TTC9: variants seen among roughly 807,000 people sequenced by gnomAD.
The protein encoded by TTC9 is tetratricopeptide repeat protein 9A.
In TTC9, 13 loss-of-function variants were observed where a neutral mutation model predicts 22.9. The observed-to-expected ratio is 0.57, with a 90% CI of 0.37 to 0.90. The LOEUF (loss-of-function observed/expected upper bound fraction) is 0.90. TTC9 is among the 40% of genes least tolerant of loss of function. The pLI is 0.01. For missense variants in TTC9, 280 were observed against 291.8 expected (o/e 0.96, Z 0.29); for synonymous variants, 148 against 133.2 (o/e 1.11, Z -0.77).
rs1490208937 is a variant in TTC9, at chr14:70,642,363, C to A, written c.234C>A (p.Gly78=). The change falls in exon 1 of 3, where the codon GGC becomes GGA. Residue 78 remains glycine (G), a synonymous_variant. Transcript: ENST00000256367. ...ACAAGAAATTCCGTGAAGCCATAGG[C>A]AAATACCACCGGGCGTTGCTGGAGC... ...YKDKKFREAI[G]KYHRALLELK... 6.2e-7 allele frequency: 1 copy of A among 1,605,298 alleles called. No individual in the cohort carries two copies. The highest frequency in any genetic ancestry group is 1.3e-5 in the African/African-American group (1 of 74,478).
chr14:70,642,116 G>A lies in TTC9; in HGVS notation c.-14G>A, dbSNP rs1319154947. ...CAGATCGCGGCGCGCACCAGGCGCC[G>A]GGGCGGCGGCCGAATGGAGAGAAAG... On this transcript the variant is annotated 5_prime_UTR_variant, in exon 1 of 3. Coordinates refer to ENST00000256367, the MANE Select transcript of TTC9 (RefSeq NM_015351.2). The A allele has an allele frequency of 1.8e-6, 2 of 1,109,218 alleles. No individual in the cohort carries two copies. The highest frequency in any genetic ancestry group is 1.1e-4 in the East Asian group (2 of 18,002). The allele number at this position is 1,109,218 out of a possible 1,614,324, so 68.7% of individuals were successfully genotyped here.
In TTC9 at chr14:70,641,961, C is replaced by T; in HGVS notation, c.-169C>T. ...CGGCTGGAGCAGCCTCTGGCAGCAG[C>T]GGGGAGAATGGGAGTGCGGGGCGCC... On this transcript the variant is annotated 5_prime_UTR_variant, in exon 1 of 3. Transcript: ENST00000256367. 3.6e-6 allele frequency: 1 copy of T among 280,090 alleles called. No homozygotes were observed. The highest frequency in any genetic ancestry group is 5.5e-6 in the Non-Finnish European group (1 of 183,464). The allele number at this position is 280,090 out of a possible 1,614,324, so 17.4% of individuals were successfully genotyped here.
chr14:70,642,067 CGCGGCG>C lies in TTC9; in HGVS notation c.-46_-41del, dbSNP rs528163428. Reference sequence around the variant, plus strand: ...CCCGCGGCTTTTAAACCCGGGAAGGCGCGGCGGCGGCGGCGGCGGCGGGCAGATCGC... The same window carrying C: ...CCCGCGGCTTTTAAACCCGGGAAGGCGCGGCGGCGGCGGCGGGCAGATCGC... On this transcript the variant is annotated 5_prime_UTR_variant, in exon 1 of 3. Coordinates refer to ENST00000256367, the MANE Select transcript of TTC9 (RefSeq NM_015351.2). 7.5e-5 allele frequency: 75 copies of C among 995,682 alleles called. No homozygotes were observed. The highest frequency in any genetic ancestry group is 1.2e-4 in the African/African-American group (7 of 56,444). The allele number at this position is 995,682 out of a possible 1,614,324, so 61.7% of individuals were successfully genotyped here. A position where few individuals can be genotyped will look rare whatever the true frequency, so the allele number is the denominator to read the frequency against.
intron 1 of TTC9, among the ~76,000 whole-genome samples, chr14:70,643,700 C>A (rs1885862252): frequency 6.6e-6 from 1 of 151,458 alleles, no homozygotes; most frequent in Admixed American, 6.6e-5. Flanking sequence ...ACTGGCAATT[C>A]TGCTCGGTTC....
rs1886293984 is a variant in TTC9 at position 70,671,463 on chromosome 14, T to C, written c.*308T>C. Reference sequence around the variant, plus strand: ...ATGGGCTGGGATGCTGTTGTGGCTTTGACTTTGGCCAGTGCTTCTGACAGA... The same window carrying C: ...ATGGGCTGGGATGCTGTTGTGGCTTCGACTTTGGCCAGTGCTTCTGACAGA... On this transcript the variant is annotated 3_prime_UTR_variant, in exon 3 of 3. Coordinates refer to ENST00000256367, the MANE Select transcript of TTC9 (RefSeq NM_015351.2). The C allele has an allele frequency of 3.3e-6, 1 of 305,830 alleles. No homozygotes were observed. The highest frequency in any genetic ancestry group is 6.3e-6 in the Non-Finnish European group (1 of 158,168). 18.9% of individuals were successfully genotyped at this position (305,830 alleles called of 1,614,324 possible).
intron 1 of TTC9, among the ~76,000 whole-genome samples, chr14:70,666,426 C>A (rs917782244): frequency 8.5e-5 from 13 of 152,188 alleles, no homozygotes; most frequent in African/African-American, 2.7e-4. Flanking sequence ...CCCCCTCTCT[C>A]AGGAACTGCA....
At chr14:70,658,240 G>A (rs1267183236) in intron 1 of TTC9, among the ~76,000 whole-genome samples, 2 of 152,108 alleles carry the variant, frequency 1.3e-5, no homozygotes, top group African/African-American at 2.4e-5. Flanking sequence ...GCTATTTCCC[G>A]GAGTCTCCAT....
chr14:70,663,876 G>A (rs1467765953), intron 1 of TTC9, among the ~76,000 whole-genome samples: 1 of 152,160 alleles, frequency 6.6e-6, no homozygotes, highest in Non-Finnish European at 1.5e-5. Flanking sequence ...GGCTTCAAAT[G>A]CATCCCCACA....
chr14:70,644,357 A>T (rs1307210168), intron 1 of TTC9, among the ~76,000 whole-genome samples: 1 of 152,248 alleles, frequency 6.6e-6, no homozygotes, highest in African/African-American at 2.4e-5. Context: ...TAGCAATAGC[A>T]GATATTCCCC....
At chr14:70,649,252 G>A (rs1885945877) in intron 1 of TTC9, among the ~76,000 whole-genome samples, 1 of 152,182 alleles carries the variant, frequency 6.6e-6, no homozygotes, top group African/African-American at 2.4e-5. Context: ...GCACATAGTA[G>A]ATGTTCCACA....
rs372495990 is a variant in TTC9 at position 70,671,178 on chromosome 14, C to T, written c.*23C>T. Reference sequence around the variant, plus strand: ...TAACCAGGAAGCAGCTCCAGAGCTGCGCCCACGCCTGACCGGGGACTTCCA... The same window carrying T: ...TAACCAGGAAGCAGCTCCAGAGCTGTGCCCACGCCTGACCGGGGACTTCCA... On this transcript the variant is annotated 3_prime_UTR_variant, in exon 3 of 3. Coordinates refer to ENST00000256367, the MANE Select transcript of TTC9 (RefSeq NM_015351.2). 55 of 1,607,302 alleles carry T rather than the reference C, an allele frequency of 3.4e-5. No individual in the cohort carries two copies. The highest frequency in any genetic ancestry group is 2.9e-4 in the African/African-American group (22 of 74,750).
chr14:70,651,725 G>A (rs1236932395), intron 1 of TTC9, among the ~76,000 whole-genome samples: 2 of 152,172 alleles, frequency 1.3e-5, no homozygotes, highest in African/African-American at 4.8e-5. Flanking sequence ...CAGCACTTGT[G>A]ATGTAAACTG....
At chr14:70,655,262 C>T (rs896339983) in intron 1 of TTC9, among the ~76,000 whole-genome samples, 11 of 152,068 alleles carry the variant, frequency 7.2e-5, no homozygotes, top group East Asian at 3.9e-4. Flanking sequence ...GGCGCAGTGG[C>T]GTGCACCTGT....
chr14:70,659,119 A>AACACACACGCGCGCAC (rs1555362235), intron 1 of TTC9, among the ~76,000 whole-genome samples: 2 of 134,616 alleles, frequency 1.5e-5, no homozygotes, highest in East Asian at 5.7e-4. Flanking sequence ...TATATAACTA[A>AACACACACGCGCGCAC]ACACACACAC....
chr14:70,648,052 C>A (rs1885928813), intron 1 of TTC9, among the ~76,000 whole-genome samples: 1 of 152,086 alleles, frequency 6.6e-6, no homozygotes, highest in Non-Finnish European at 1.5e-5. Context: ...AGGTCAGGGG[C>A]TAGAGACAAG....
intron 1 of TTC9, among the ~76,000 whole-genome samples, chr14:70,659,927 A>G (rs1594739254): frequency 1.3e-5 from 2 of 152,284 alleles, no homozygotes; most frequent in African/African-American, 2.4e-5. Context: ...CCATTTTCCT[A>G]TCTGAAAAAA....
rs1886339034 is a variant in TTC9, at chr14:70,674,381, A to G, written c.*3226A>G. The G allele has an allele frequency of 6.6e-6, 1 of 152,256 alleles. No homozygotes were observed. Among genetic ancestry groups the G allele is most frequent in the Admixed American group, 6.5e-5 (1 of 15,284 alleles). The allele number at this position is 152,256 out of a possible 1,614,324, so 9.4% of individuals were successfully genotyped here. On this transcript the variant is annotated 3_prime_UTR_variant, in exon 3 of 3. Transcript: ENST00000256367. Reference sequence around the variant, plus strand: ...CCAAGACAAACGTGTATTCTTTTGAATATACCTTTTAGTTCTTTTTGGTGT... The same window carrying G: ...CCAAGACAAACGTGTATTCTTTTGAGTATACCTTTTAGTTCTTTTTGGTGT...
At chr14:70,657,141 C>T (rs925633360) in intron 1 of TTC9, among the ~76,000 whole-genome samples, 1 of 152,356 alleles carries the variant, frequency 6.6e-6, no homozygotes, top group South Asian at 2.1e-4. Context: ...TTACCTGCCA[C>T]TTTGACAGCT....
intron 1 of TTC9, among the ~76,000 whole-genome samples, chr14:70,657,206 T>C (rs1250210307): frequency 1.3e-5 from 2 of 152,252 alleles, no homozygotes; most frequent in Non-Finnish European, 2.9e-5. Context: ...AAGATATCAA[T>C]ATCTCTTGAA....
Sources: gnomAD v4.1 joint callset for allele counts (sites outside exome capture counted in the v4.1 genomes callset) on GRCh38, gnomAD v4.1.1 for gene constraint, MANE v1.5 for transcripts, NCBI Gene and HGNC (gene_info 2026-07-23, HGNC 2026-07-21) for gene names.